PTPRN2: variants seen among roughly 807,000 people sequenced by gnomAD.
PTPRN2 encodes the protein protein tyrosine phosphatase receptor type N2.
Under a neutral mutation model 118.8 loss-of-function variants are expected in PTPRN2, and 74 were observed. That is an observed-to-expected ratio of 0.62 (90% CI 0.52 to 0.76). The LOEUF is 0.76. Ranked by LOEUF, PTPRN2 falls within the 30% of genes least tolerant of loss-of-function variation. PTPRN2 has a pLI of 0.00. For missense variants in PTPRN2, 1,481 were observed against 1,394.4 expected (o/e 1.06, Z -0.99); for synonymous variants, 641 against 608.0 (o/e 1.05, Z -0.80).
chr7:158,514,717 G>A (rs150470447), intron 1 of PTPRN2, among the ~76,000 whole-genome samples: 43 of 152,228 alleles, frequency 2.8e-4, no homozygotes, highest in Non-Finnish European at 4.7e-4. Flanking sequence ...TTGCTTTTTC[G>A]TTACTTAAGC....
intron 2 of PTPRN2, among the ~76,000 whole-genome samples, chr7:158,388,873 C>G (rs915656140): frequency 6.6e-6 from 1 of 152,210 alleles, no homozygotes; most frequent in Non-Finnish European, 1.5e-5. Context: ...CAAATACATA[C>G]GTTATTATTA....
At chr7:157,709,710 C>T (rs1433153615) in intron 12 of PTPRN2, among the ~76,000 whole-genome samples, 3 of 152,256 alleles carry the variant, frequency 2.0e-5, no homozygotes, top group Admixed American at 2.0e-4. Context: ...ACACACCCGC[C>T]TTCAGATTCA....
intron 11 of PTPRN2, among the ~76,000 whole-genome samples, chr7:157,989,012 C>T (rs988822477): frequency 6.6e-6 from 1 of 152,230 alleles, no homozygotes; most frequent in African/African-American, 2.4e-5. Flanking sequence ...ACTCCTACCG[C>T]TATAACACAT....
intron 3 of PTPRN2, among the ~76,000 whole-genome samples, chr7:158,265,305 C>A (rs749384872): frequency 2.0e-5 from 3 of 152,178 alleles, no homozygotes; most frequent in Admixed American, 6.5e-5. Context: ...CGAGCACATA[C>A]CTGCAGGCAC....
chr7:158,131,487 T>TGCAC, intron 9 of PTPRN2, among the ~76,000 whole-genome samples: 2 of 129,924 alleles, frequency 1.5e-5, no homozygotes, highest in African/African-American at 6.3e-5. Context: ...CACACACACT[T>TGCAC]ATACACACAA....
At chr7:158,140,503 C>T in intron 6 of PTPRN2, among the ~76,000 whole-genome samples, 1 of 152,190 alleles carries the variant, frequency 6.6e-6, no homozygotes, top group African/African-American at 2.4e-5. Flanking sequence ...CACATCCACA[C>T]CAGCACTGAG....
chr7:158,385,740 G>A (rs1367509587), intron 2 of PTPRN2, among the ~76,000 whole-genome samples: 1 of 152,156 alleles, frequency 6.6e-6, no homozygotes, highest in Non-Finnish European at 1.5e-5. Context: ...TTTCAAGTCC[G>A]TTTCTAAATT....
Position 157,690,986 on chromosome 7 carries a change from CCCCGCCTTATATCCGGCCCGGCG to C in PTPRN2, c.1789-8072_1789-8050del. On this transcript the variant is annotated intron_variant, in intron 12 of 22. Coordinates refer to ENST00000389418, the MANE Select transcript of PTPRN2 (RefSeq NM_002847.5). The surrounding 1 kb of genome is among the most constrained non-coding windows in gnomAD (Gnocchi z 7.1). ...AGCACCAACCAGCGCGGCCGCCGCG[CCCCGCCTTATATCCGGCCCGGCG>C]CGCACCCGGCCGGCGGCGGCGCGGC... Among the ~76,000 whole-genome samples the C allele has an allele frequency of 6.8e-6, 1 of 147,806 alleles. No homozygotes were observed. Among genetic ancestry groups the C allele is most frequent in the Non-Finnish European group, 1.5e-5 (1 of 66,290 alleles).
intron 5 of PTPRN2, among the ~76,000 whole-genome samples, chr7:158,174,581 A>C (rs1273421508): frequency 6.6e-6 from 1 of 152,032 alleles, no homozygotes; most frequent in Non-Finnish European, 1.5e-5. Context: ...TCAAACCCCT[A>C]CTGCTGCTGT....
intron 2 of PTPRN2, among the ~76,000 whole-genome samples, chr7:158,410,428 A>T (rs1002470931): frequency 6.6e-6 from 1 of 152,018 alleles, no homozygotes; most frequent in Non-Finnish European, 1.5e-5. Context: ...CGTGGGATGA[A>T]GTGACAGAGT....
intron 12 of PTPRN2, among the ~76,000 whole-genome samples, chr7:157,777,449 C>T (rs572214428): frequency 1.4e-5 from 2 of 146,934 alleles, no homozygotes; most frequent in East Asian, 1.9e-4. Context: ...CCGGAGGACA[C>T]GCAGTGCCCC....
At chr7:158,094,727 T>C (rs1445877397) in intron 10 of PTPRN2, among the ~76,000 whole-genome samples, 1 of 152,132 alleles carries the variant, frequency 6.6e-6, no homozygotes, top group Non-Finnish European at 1.5e-5. Flanking sequence ...CACCCAAGAA[T>C]TAGGACCCAG....
At chr7:158,521,264 C>T (rs1413339895) in intron 1 of PTPRN2, among the ~76,000 whole-genome samples, 1 of 152,178 alleles carries the variant, frequency 6.6e-6, no homozygotes, top group African/African-American at 2.4e-5. Flanking sequence ...TGTATTCTTG[C>T]CCAAAGGGAC....
At chr7:158,394,762 G>C (rs888098496) in intron 2 of PTPRN2, among the ~76,000 whole-genome samples, 4 of 152,236 alleles carry the variant, frequency 2.6e-5, no homozygotes, top group Admixed American at 6.5e-5. Flanking sequence ...CAAAAACACA[G>C]AGGGTGTGCG....
At chr7:158,382,061 A>C (rs1256608226) in intron 2 of PTPRN2, among the ~76,000 whole-genome samples, 3 of 152,210 alleles carry the variant, frequency 2.0e-5, no homozygotes, top group Admixed American at 1.3e-4. Flanking sequence ...ACTAGCCCTA[A>C]GGCAGGTGCC....
chr7:158,258,515 G>A (rs956131608), intron 3 of PTPRN2, among the ~76,000 whole-genome samples: 5 of 152,186 alleles, frequency 3.3e-5, no homozygotes, highest in South Asian at 2.1e-4. Flanking sequence ...CTGGGTGGCC[G>A]CCCTGCTGAT....
At chr7:158,561,076 T>G (rs1389112490) in intron 1 of PTPRN2, among the ~76,000 whole-genome samples, 1 of 152,222 alleles carries the variant, frequency 6.6e-6, no homozygotes, top group African/African-American at 2.4e-5. Context: ...CTGTTTCTAA[T>G]TTTAGTGAAG....
chr7:158,016,841 A>G (rs561822133), intron 11 of PTPRN2, among the ~76,000 whole-genome samples: 1 of 152,300 alleles, frequency 6.6e-6, no homozygotes, highest in South Asian at 2.1e-4. Flanking sequence ...GCTGAATATG[A>G]AACTGTTAAT....
intron 6 of PTPRN2, among the ~76,000 whole-genome samples, chr7:158,150,574 G>A (rs940056103): frequency 2.6e-5 from 4 of 151,998 alleles, no homozygotes; most frequent in Non-Finnish European, 5.9e-5. Flanking sequence ...TTTCTAGAAG[G>A]TCAAGGAGCA....
Sources: gnomAD v4.1 joint callset for allele counts (sites outside exome capture counted in the v4.1 genomes callset) on GRCh38, gnomAD v4.1.1 for gene constraint, Gnocchi (gnomAD v3.1) non-coding constraint, MANE v1.5 for transcripts, NCBI Gene and HGNC (gene_info 2026-07-23, HGNC 2026-07-21) for gene names.